RASAL2: variants seen among roughly 807,000 people sequenced by gnomAD.
The protein encoded by RASAL2 is RAS protein activator like 2, also known as ras GTPase-activating protein nGAP.
A neutral mutation model predicts 128.9 loss-of-function variants in RASAL2; 58 were observed. The observed-to-expected ratio is 0.45, with a 90% CI of 0.36 to 0.56. The LOEUF (loss-of-function observed/expected upper bound fraction) is 0.56. RASAL2 is among the 20% of genes least tolerant of loss of function. RASAL2 has a pLI of 0.00. For synonymous variants in RASAL2, 561 were observed against 580.8 expected (o/e 0.97, Z 0.49); for missense variants, 1,360 against 1,601.6 (o/e 0.85, Z 2.57).
At chr1:178,463,754 C>T (rs1647348651) in intron 14 of RASAL2, among the ~76,000 whole-genome samples, 1 of 152,062 alleles carries the variant, frequency 6.6e-6, no homozygotes, top group Non-Finnish European at 1.5e-5. Flanking sequence ...TACTTTTGCA[C>T]CAACCTAGTA....
intron 4 of RASAL2, among the ~76,000 whole-genome samples, chr1:178,400,208 A>G (rs892650244): frequency 6.6e-6 from 1 of 152,008 alleles, no homozygotes; most frequent in Non-Finnish European, 1.5e-5. Context: ...GCCTTTCCAG[A>G]CTCATTTCCT....
intron 1 of RASAL2, among the ~76,000 whole-genome samples, chr1:178,203,374 G>A (rs2101970852): frequency 6.6e-6 from 1 of 152,272 alleles, no homozygotes; most frequent in Non-Finnish European, 1.5e-5. Context: ...CAATTACAAT[G>A]CCATCTAGGT....
intron 14 of RASAL2, among the ~76,000 whole-genome samples, chr1:178,460,368 G>A (rs1310428236): frequency 1.3e-5 from 2 of 151,818 alleles, no homozygotes; most frequent in Admixed American, 6.6e-5. Flanking sequence ...CAGGCTGGTT[G>A]TTTATTAATA....
chr1:178,241,278 TTA>T (rs1373750804), intron 1 of RASAL2, among the ~76,000 whole-genome samples: 1 of 152,122 alleles, frequency 6.6e-6, no homozygotes, highest in Non-Finnish European at 1.5e-5. Context: ...GAAGAGCTGT[TTA>T]TATACAGATA....
intron 1 of RASAL2, among the ~76,000 whole-genome samples, chr1:178,242,049 T>G (rs566842286): frequency 1.3e-3 from 196 of 152,308 alleles, no homozygotes; most frequent in African/African-American, 4.6e-3. Flanking sequence ...TATTTTTGAG[T>G]GTATCTCTTT....
intron 1 of RASAL2, among the ~76,000 whole-genome samples, chr1:178,209,640 T>C (rs917958067): frequency 6.6e-6 from 1 of 152,162 alleles, no homozygotes; most frequent in Non-Finnish European, 1.5e-5. Flanking sequence ...AAGACTTGTA[T>C]TTCATTTCTG....
At position 178,094,673 on chromosome 1, in the gene RASAL2, C is replaced by G; in HGVS notation, c.181C>G (p.Gln61Glu). Reference sequence around the variant, plus strand: ...CCTTCTGGAGTCCGTGTGCCAGCAACAGAGCTGGGTCCGGGTGTACGGTAA... The same window carrying G: ...CCTTCTGGAGTCCGTGTGCCAGCAAGAGAGCTGGGTCCGGGTGTACGGTAA... ...RILLESVCQQ[Q>E]SWVRVYDVKG... Residue 61 changes from glutamine to glutamate, a missense_variant, in exon 1 of 18, where the codon CAG (glutamine) becomes GAG (glutamate). This residue lies in a region of RASAL2 where 617 missense variants were observed against 714.2 expected (regional missense o/e 0.86). Transcript: ENST00000367649. 2 of 1,614,124 alleles carry G rather than the reference C, an allele frequency of 1.2e-6. No individual in the cohort carries two copies. The highest frequency in any genetic ancestry group is 1.7e-6 in the Non-Finnish European group (2 of 1,180,050).
At chr1:178,189,927 A>G (rs1221128729) in intron 1 of RASAL2, among the ~76,000 whole-genome samples, 1 of 152,142 alleles carries the variant, frequency 6.6e-6, no homozygotes, top group Non-Finnish European at 1.5e-5. Flanking sequence ...ACAAAGTTGA[A>G]ACTACTGCTT....
chr1:178,165,491 T>C (rs1033077794), intron 1 of RASAL2, among the ~76,000 whole-genome samples: 7 of 152,182 alleles, frequency 4.6e-5, no homozygotes, highest in Non-Finnish European at 1.0e-4. Context: ...TTCTATGCCA[T>C]TTTATGTCAG....
At chr1:178,128,861 T>G (rs977925603) in intron 1 of RASAL2, among the ~76,000 whole-genome samples, 1 of 152,134 alleles carries the variant, frequency 6.6e-6, no homozygotes, top group African/African-American at 2.4e-5. Flanking sequence ...GAATTAGTAC[T>G]TCATTCTTTT....
At chr1:178,199,710 A>T (rs550011107) in intron 1 of RASAL2, among the ~76,000 whole-genome samples, 13 of 152,208 alleles carry the variant, frequency 8.5e-5, no homozygotes, top group African/African-American at 2.6e-4. Context: ...CAAAAATGTT[A>T]GGCACAACCA....
In RASAL2 at chr1:178,328,454, C is replaced by G. The variant is rs537612785; in HGVS notation, c.457+28336C>G. 9.2e-5 allele frequency among the ~76,000 whole-genome samples: 14 copies of G among 152,240 alleles called. No homozygotes were observed. In the East Asian group the frequency reaches 2.5e-3, roughly 27 times the overall value. On this transcript the variant is annotated intron_variant, in intron 3 of 17. Coordinates refer to ENST00000367649, the MANE Select transcript of RASAL2 (RefSeq NM_170692.4). ...AAAAGGTACAACAAATTGTTGCTGA[C>G]TGTAGTTACTTTGTTGTGCTATCAA...
Position 178,390,477 on chromosome 1 carries a change from T to C in RASAL2, c.564+271T>C, listed in dbSNP as rs750603457. 2.5e-4 allele frequency among the ~76,000 whole-genome samples: 38 copies of C among 152,086 alleles called. 1 individual carries two copies. Among genetic ancestry groups the C allele is most frequent in the African/African-American group, 4.3e-4 (18 of 41,420 alleles). On this transcript the variant is annotated intron_variant, in intron 4 of 17. Coordinates refer to ENST00000367649, the MANE Select transcript of RASAL2 (RefSeq NM_170692.4). ...CACTGCAACCTCCCCCTCCCGAGTT[T>C]AGGCGATTCTCCTGCCTCAGCCTCC...
chr1:178,374,181 C>T (rs1671871666), intron 3 of RASAL2, among the ~76,000 whole-genome samples: 1 of 152,112 alleles, frequency 6.6e-6, no homozygotes. Context: ...AGCTCCTCCA[C>T]AGGAATGAGG....
intron 3 of RASAL2, among the ~76,000 whole-genome samples, chr1:178,332,995 G>T (rs1324247545): frequency 6.6e-6 from 1 of 151,752 alleles, no homozygotes; most frequent in East Asian, 2.0e-4. Context: ...TCTGCCTTTA[G>T]TCACTAATGA....
chr1:178,460,033 A>G (rs1678067392), intron 14 of RASAL2, among the ~76,000 whole-genome samples: 1 of 152,218 alleles, frequency 6.6e-6, no homozygotes, highest in South Asian at 2.1e-4. Context: ...CTTTTGTGCT[A>G]GATTCTAGTT....
chr1:178,312,741 A>C (rs1668319349), intron 3 of RASAL2, among the ~76,000 whole-genome samples: 1 of 152,218 alleles, frequency 6.6e-6, no homozygotes, highest in African/African-American at 2.4e-5. Context: ...AAGTTAACTC[A>C]ATCAGCGGAA....
chr1:178,187,768 ACTTTT>A (rs1157895505), intron 1 of RASAL2, among the ~76,000 whole-genome samples: 1 of 151,918 alleles, frequency 6.6e-6, no homozygotes. Flanking sequence ...TACCCTTTTT[ACTTTT>A]CTTTTTCTAA....
intron 1 of RASAL2, among the ~76,000 whole-genome samples, chr1:178,156,406 T>C (rs968899280): frequency 6.6e-6 from 1 of 152,240 alleles, no homozygotes; most frequent in Non-Finnish European, 1.5e-5. Flanking sequence ...ATATGAGTAA[T>C]GTGTTGGTTT....
Sources: allele counts gnomAD v4.1 joint callset (sites outside exome capture counted in the v4.1 genomes callset), GRCh38; gene constraint gnomAD v4.1.1; regional missense constraint gnomAD v4.1.1; transcripts MANE v1.5; gene names NCBI Gene and HGNC (gene_info 2026-07-23, HGNC 2026-07-21).